GRM3: variants seen among roughly 807,000 people sequenced by gnomAD.
GRM3 encodes the protein metabotropic glutamate receptor 3.
In GRM3, 26 loss-of-function variants were observed where a neutral mutation model predicts 70.5. The observed-to-expected ratio is 0.37, with a 90% CI of 0.27 to 0.51. The LOEUF (loss-of-function observed/expected upper bound fraction) is 0.51. Ranked by LOEUF, GRM3 falls within the 20% of genes least tolerant of loss-of-function variation. The probability of loss-of-function intolerance (pLI) is 0.93; values close to 1 mark genes in which losing one functional copy is unlikely to be tolerated. For missense variants in GRM3, 859 were observed against 1,123.8 expected, an observed-to-expected ratio of 0.76 and a Z score of 3.37; for synonymous variants, 443 against 434.9, an observed-to-expected ratio of 1.02 and a Z score of -0.23.
At chr7:86,781,155 C>A (rs1395829032) in intron 2 of GRM3, among the ~76,000 whole-genome samples, 6 of 151,966 alleles carry the variant, frequency 3.9e-5, no homozygotes, top group Non-Finnish European at 8.8e-5. Flanking sequence ...AATGAGAAAA[C>A]ACATCTGCAA....
chr7:86,809,234 T>C (rs183117675), intron 3 of GRM3, among the ~76,000 whole-genome samples: 1 of 152,178 alleles, frequency 6.6e-6, no homozygotes, highest in Non-Finnish European at 1.5e-5. Context: ...AAGTTACTTC[T>C]CATGTTAAAT....
At chr7:86,699,141 G>A (rs1295311138) in intron 1 of GRM3, among the ~76,000 whole-genome samples, 1 of 152,060 alleles carries the variant, frequency 6.6e-6, no homozygotes, top group Non-Finnish European at 1.5e-5. Flanking sequence ...AGACGTTTGA[G>A]CTTATTAATT....
intron 1 of GRM3, among the ~76,000 whole-genome samples, chr7:86,679,133 G>A (rs912158765): frequency 1.6e-4 from 24 of 151,958 alleles, no homozygotes; most frequent in African/African-American, 5.6e-4. Flanking sequence ...ATTTGCCATG[G>A]AGCTGTAATC....
intron 1 of GRM3, among the ~76,000 whole-genome samples, chr7:86,728,294 C>G (rs903027619): frequency 1.3e-5 from 2 of 152,102 alleles, no homozygotes; most frequent in Non-Finnish European, 2.9e-5. Context: ...TCCTGTAAAC[C>G]ACAGACTATC....
intron 1 of GRM3, among the ~76,000 whole-genome samples, chr7:86,657,975 A>G (rs1400338932): frequency 1.3e-5 from 2 of 152,142 alleles, no homozygotes; most frequent in Non-Finnish European, 2.9e-5. Context: ...CTTTTAAGCT[A>G]TTTTTCATGA....
At chr7:86,657,098 C>T (rs802439) in intron 1 of GRM3, among the ~76,000 whole-genome samples, 49,787 of 151,940 alleles carry the variant, frequency 0.33, 8,459 homozygotes, top group African/African-American at 0.41. Flanking sequence ...AAGGCATTTT[C>T]GATCTCAAAT....
chr7:86,721,042 A>G (rs538092806), intron 1 of GRM3, among the ~76,000 whole-genome samples: 49 of 152,198 alleles, frequency 3.2e-4, no homozygotes, highest in Non-Finnish European at 6.6e-4. Context: ...TGCTTGCCTC[A>G]GGCCCCAAAG....
intron 1 of GRM3, among the ~76,000 whole-genome samples, chr7:86,751,725 G>A (rs564316250): frequency 6.6e-6 from 1 of 152,138 alleles, no homozygotes; most frequent in Non-Finnish European, 1.5e-5. Context: ...TTCTGCTTGT[G>A]TACAGAAAGG....
intron 1 of GRM3, among the ~76,000 whole-genome samples, chr7:86,692,757 TAATC>T (rs1794724871): frequency 6.6e-6 from 1 of 152,248 alleles, no homozygotes; most frequent in Non-Finnish European, 1.5e-5. Flanking sequence ...TTTGAATTAA[TAATC>T]AAAGTATATA....
At chr7:86,799,764 T>C (rs6465086) in intron 3 of GRM3, among the ~76,000 whole-genome samples, 17,187 of 152,102 alleles carry the variant, frequency 0.11, 1,522 homozygotes, top group African/African-American at 0.25. Flanking sequence ...CTCCTAACCT[T>C]GTGATCTGCC....
rs140319969 is a variant in GRM3 at position 86,843,745 on chromosome 7, T to C, written c.2391+3840T>C. ...TCAACATAGGCAAGTCTCTCCTCTT[T>C]TGTAACTTACAGTCTAGTGGAGAAT... On this transcript the variant is annotated intron_variant, in intron 4 of 5. Coordinates refer to ENST00000361669, the MANE Select transcript of GRM3 (RefSeq NM_000840.3). Among the ~76,000 whole-genome samples the C allele has an allele frequency of 3.2e-3, 484 of 152,308 alleles. 3 individuals are homozygous for C. Among genetic ancestry groups the C allele is most frequent in the African/African-American group, 0.011 (441 of 41,590 alleles).
At position 86,839,301 on chromosome 7, in the gene GRM3, C is replaced by T. The variant is rs868143152; in HGVS notation, c.1787C>T (p.Thr596Ile). ...TTTATGTGTACATGCATGGTTGTAA[C>T]TGTTTTTATCAAGCACAACAACACA... ...LGFMCTCMVVTVFIKHNNTPL... is the reference protein window; with the variant it reads ...LGFMCTCMVVIVFIKHNNTPL... Residue 596 changes from threonine to isoleucine, a missense_variant, in exon 4 of 6, where the codon ACT becomes ATT. Transcript: ENST00000361669. This position sits in a 1 kb window ranked among gnomAD's most constrained non-coding sequence, Gnocchi z 4.5. The T allele has an allele frequency of 6.2e-7, 1 of 1,613,448 alleles. No homozygotes were observed. The highest frequency in any genetic ancestry group is 8.5e-7 in the Non-Finnish European group (1 of 1,179,396).
At chr7:86,709,614 A>T (rs1427674199) in intron 1 of GRM3, among the ~76,000 whole-genome samples, 1 of 152,000 alleles carries the variant, frequency 6.6e-6, no homozygotes, top group African/African-American at 2.4e-5. Context: ...ATCCCCAAAG[A>T]TGGACACCTG....
chr7:86,699,849 C>G (rs1211487297), intron 1 of GRM3, among the ~76,000 whole-genome samples: 1 of 151,908 alleles, frequency 6.6e-6, no homozygotes, highest in Non-Finnish European at 1.5e-5. Context: ...TAAAAGGTCA[C>G]ACTTGTTATT....
At chr7:86,651,070 C>T (rs1793593619) in intron 1 of GRM3, among the ~76,000 whole-genome samples, 1 of 152,138 alleles carries the variant, frequency 6.6e-6, no homozygotes, top group Admixed American at 6.5e-5. Flanking sequence ...AAGTGACCTG[C>T]TGGAGATTCC....
chr7:86,798,628 G>A (rs889869913), intron 3 of GRM3, among the ~76,000 whole-genome samples: 14 of 152,192 alleles, frequency 9.2e-5, no homozygotes, highest in Admixed American at 2.6e-4. Context: ...GACTTTGACT[G>A]TGGACTTTTG....
intron 1 of GRM3, among the ~76,000 whole-genome samples, chr7:86,717,152 G>C (rs111303708): frequency 3.9e-5 from 6 of 152,036 alleles, no homozygotes; most frequent in African/African-American, 1.4e-4. Flanking sequence ...CAGTTTTTAA[G>C]TCTGGTTCTC....
intron 3 of GRM3, among the ~76,000 whole-genome samples, chr7:86,823,761 G>A (rs1798175467): frequency 6.6e-6 from 1 of 151,926 alleles, no homozygotes; most frequent in African/African-American, 2.4e-5. Context: ...GCTAGTGCCT[G>A]ATCTTTCCCA....
intron 1 of GRM3, among the ~76,000 whole-genome samples, chr7:86,673,689 AT>A (rs1794230033): frequency 6.6e-6 from 1 of 152,038 alleles, no homozygotes; most frequent in African/African-American, 2.4e-5. Flanking sequence ...TATTCAAGAC[AT>A]TTCACCTGGA....
Sources: gnomAD v4.1 joint callset for allele counts (sites outside exome capture counted in the v4.1 genomes callset) on GRCh38, gnomAD v4.1.1 for gene constraint, Gnocchi (gnomAD v3.1) non-coding constraint, MANE v1.5 for transcripts, NCBI Gene and HGNC (gene_info 2026-07-23, HGNC 2026-07-21) for gene names.